Variants in WDR64 observed in about 807,000 individuals in gnomAD.
WDR64 encodes the protein WD repeat-containing protein 64.
WDR64 carries 112 observed loss-of-function variants against 139.3 expected under a neutral mutation model. That is an observed-to-expected ratio of 0.80 (90% CI 0.69 to 0.94). The LOEUF is 0.94. Ranked by LOEUF, WDR64 falls within the 40% of genes least tolerant of loss-of-function variation. WDR64 has a pLI of 0.00. For missense variants in WDR64, 1,206 were observed against 1,293.1 expected, an observed-to-expected ratio of 0.93 and a Z score of 1.03; for synonymous variants, 444 against 437.7, an observed-to-expected ratio of 1.01 and a Z score of -0.18.
Position 241,748,192 on chromosome 1 carries a change from T to C in WDR64, c.1595-1355T>C, listed in dbSNP as rs1669835464. Reference sequence around the variant, plus strand: ...TGATACTGTAGATGAAGACCTATTGTAAGGGAGAAAAAGCTGAGCAAATTC... The same window carrying C: ...TGATACTGTAGATGAAGACCTATTGCAAGGGAGAAAAAGCTGAGCAAATTC... On this transcript the variant is annotated intron_variant, in intron 13 of 27. Coordinates refer to ENST00000437684, the MANE Select transcript of WDR64 (RefSeq NM_001367482.1). Among the ~76,000 whole-genome samples, 5 of 152,178 alleles carry C rather than the reference T, an allele frequency of 3.3e-5. No individual in the cohort carries two copies. In the South Asian group the frequency reaches 1.0e-3, roughly 31 times the overall value.
chr1:241,672,503 A>G (rs146395818), intron 3 of WDR64, among the ~76,000 whole-genome samples: 146 of 152,330 alleles, frequency 9.6e-4, no homozygotes, highest in African/African-American at 3.1e-3. Flanking sequence ...AAAGTCTACT[A>G]TGTAGGCCAG....
chr1:241,713,323 C>G (rs11579942), intron 9 of WDR64, among the ~76,000 whole-genome samples: 27,467 of 107,392 alleles, frequency 0.26, 4,304 homozygotes, highest in African/African-American at 0.42. Context: ...AAAGAAAGGA[C>G]GAAGGAAGGA....
intron 10 of WDR64, among the ~76,000 whole-genome samples, chr1:241,729,046 T>G (rs893306078): frequency 6.6e-6 from 1 of 152,216 alleles, no homozygotes. Flanking sequence ...ATTTTCTACT[T>G]CAAGTCTTCT....
intron 8 of WDR64, among the ~76,000 whole-genome samples, chr1:241,695,980 G>A (rs1050332483): frequency 6.6e-6 from 1 of 151,576 alleles, no homozygotes; most frequent in Non-Finnish European, 1.5e-5. Context: ...CAGGTATGGT[G>A]GCATGCGCCT....
In WDR64 at chr1:241,700,172, T is replaced by C. The variant is rs562667122; in HGVS notation, c.975-11630T>C. On this transcript the variant is annotated intron_variant, in intron 8 of 27. Transcript: ENST00000437684. ...AGGAGAGGGAGGAATCTGTTTCTTT[T>C]TTTTTTATCCTTAACATATTTATTG... is the stretch of plus-strand genomic sequence containing the variant. 6.6e-5 allele frequency among the ~76,000 whole-genome samples: 10 copies of C among 150,828 alleles called. No homozygotes were observed. The South Asian group carries it at 1.9e-3, about 29-fold the overall frequency.
rs897474413 is a variant in WDR64, at chr1:241,755,615, T to C, written c.1771-1668T>C. On this transcript the variant is annotated intron_variant, in intron 14 of 27. Transcript: ENST00000437684. The stretch of plus-strand genomic sequence containing the variant: ...TTTGTTGCCATTGCTTTTGGTGTTT[T>C]AGTCATGAAGTCTTTGCCCATGCCT... 8.5e-5 allele frequency among the ~76,000 whole-genome samples: 13 copies of C among 152,372 alleles called. No individual in the cohort carries two copies. The East Asian group carries it at 2.1e-3, about 25-fold the overall frequency.
At chr1:241,707,327 T>C (rs12046349) in intron 8 of WDR64, among the ~76,000 whole-genome samples, 9,474 of 152,240 alleles carry the variant, frequency 0.062, 461 homozygotes, top group East Asian at 0.17. Context: ...CTGGCAACTT[T>C]CCTACCTTGA....
chr1:241,769,409 G>A lies in WDR64; in HGVS notation c.2087G>A (p.Arg696Gln), dbSNP rs555147652. ...FVTSTVKKVY[R>Q]PEDCFTVNPD... ...AAATGTATACTTACTTCTAGGTACC[G>A]ACCTGAAGATTGCTTCACTGTAAAC... Residue 696 changes from arginine (R) to glutamine (Q), a missense_variant, in exon 17 of 28, where the codon CGA becomes CAA. Arg to Gln is a conservative substitution (Grantham distance 43). Transcript: ENST00000437684. 3.9e-6 allele frequency: 6 copies of A among 1,551,002 alleles called. No individual in the cohort carries two copies. Among genetic ancestry groups the A allele is most frequent in the Admixed American group, 3.9e-5 (2 of 50,972 alleles).
At chr1:241,662,439 C>T (rs962979555) in intron 2 of WDR64, among the ~76,000 whole-genome samples, 2 of 152,134 alleles carry the variant, frequency 1.3e-5, no homozygotes, top group African/African-American at 4.8e-5. Flanking sequence ...AGGCTGCAAG[C>T]GTCCCTCTTG....
chr1:241,796,683 G>A (rs1406216467), intron 27 of WDR64, among the ~76,000 whole-genome samples: 1 of 152,018 alleles, frequency 6.6e-6, no homozygotes, highest in Non-Finnish European at 1.5e-5. Flanking sequence ...TAGTAGAGAT[G>A]GGGTTTCGCC....
At chr1:241,728,615 G>C (rs928768467) in intron 10 of WDR64, among the ~76,000 whole-genome samples, 25 of 152,238 alleles carry the variant, frequency 1.6e-4, no homozygotes, top group African/African-American at 5.5e-4. Flanking sequence ...TTCCCCAACT[G>C]CTAAAATTGT....
At chr1:241,748,876 C>CTCA (rs1359804362) in intron 13 of WDR64, among the ~76,000 whole-genome samples, 1 of 148,860 alleles carries the variant, frequency 6.7e-6, no homozygotes, top group Non-Finnish European at 1.5e-5. Context: ...GGAGGCGGAG[C>CTCA]TTGCAGTGAG....
At chr1:241,654,535 C>G (rs115227124) in intron 1 of WDR64, among the ~76,000 whole-genome samples, 2,315 of 152,306 alleles carry the variant, frequency 0.015, 47 homozygotes, top group African/African-American at 0.053. Flanking sequence ...CGTCTTTCAT[C>G]ACATCATTCT....
chr1:241,660,754 T>A (rs919500713), intron 2 of WDR64, 94 bp downstream of exon 2: 7 of 1,383,464 alleles, frequency 5.1e-6, no homozygotes, highest in Non-Finnish European at 5.9e-6. Flanking sequence ...GCCACAGGGG[T>A]TGAACCACAA....
At chr1:241,761,491 TTCTA>T (rs1257032922) in intron 15 of WDR64, among the ~76,000 whole-genome samples, 1 of 152,000 alleles carries the variant, frequency 6.6e-6, no homozygotes, top group Non-Finnish European at 1.5e-5. Flanking sequence ...TTGTCAATTT[TTCTA>T]TCTATGTTGT....
At chr1:241,655,331 G>C (rs1665542859) in intron 1 of WDR64, among the ~76,000 whole-genome samples, 1 of 152,184 alleles carries the variant, frequency 6.6e-6, no homozygotes, top group South Asian at 2.1e-4. Context: ...AGAGGTTGCA[G>C]TGAGCCAAGA....
rs150342215 is a variant in WDR64 at position 241,693,423 on chromosome 1, TAGAG to T, written c.974+5830_974+5833del. Among the ~76,000 whole-genome samples, 987 of 152,132 alleles carry T rather than the reference TAGAG, an allele frequency of 6.5e-3. 11 individuals are homozygous for T. The highest frequency in any genetic ancestry group is 0.023 in the African/African-American group (941 of 41,502). On this transcript the variant is annotated intron_variant, in intron 8 of 27. Transcript: ENST00000437684. ...GGGCTTTGAGGGGAGGGAGGGAGCA[TAGAG>T]AATTTTAGGGCACTGAAACTACTTT...
At chr1:241,652,829 GT>G (rs1233721404) in intron 1 of WDR64, among the ~76,000 whole-genome samples, 200 bp downstream of exon 1, 14 of 151,968 alleles carry the variant, frequency 9.2e-5, no homozygotes, top group South Asian at 4.1e-4. Context: ...TTTTGTTTTT[GT>G]TTTTGTTTTT....
chr1:241,783,500 A>G, intron 23 of WDR64, 119 bp downstream of exon 23: 1 of 704,376 alleles, frequency 1.4e-6, no homozygotes, highest in East Asian at 2.9e-5. Context: ...ATTTAAATAA[A>G]TAAGTAAATA....
Sources: gnomAD v4.1 joint callset for allele counts (sites outside exome capture counted in the v4.1 genomes callset) on GRCh38, gnomAD v4.1.1 for gene constraint, MANE v1.5 for transcripts, NCBI Gene and HGNC (gene_info 2026-07-23, HGNC 2026-07-21) for gene names.